CDH18: variants seen among roughly 807,000 people sequenced by gnomAD.
CDH18 encodes the protein cadherin 18, also known as cadherin-18.
CDH18 carries 31 observed loss-of-function variants against 67.9 expected under a neutral mutation model. The ratio of observed to expected loss-of-function variants is 0.46; its 90% CI spans 0.34 to 0.62. The LOEUF (loss-of-function observed/expected upper bound fraction) is 0.62, where lower values mean the gene tolerates loss of function less well. CDH18 is among the 20% of genes least tolerant of loss of function. The pLI is 0.01. For missense variants in CDH18, 890 were observed against 975.5 expected (o/e 0.91, Z 1.17); for synonymous variants, 362 against 347.2 (o/e 1.04, Z -0.48).
intron 5 of CDH18, among the ~76,000 whole-genome samples, chr5:19,622,734 G>T (rs1419795686): frequency 1.3e-5 from 2 of 152,110 alleles, no homozygotes; most frequent in East Asian, 3.9e-4. Context: ...TAGTCTCCTA[G>T]CTGTTCCTAC....
rs1177691217 is a variant in CDH18, at chr5:19,472,047, TG to T, written c.*1178del. ...CGGAAACATATCTGAGGATAATAAC[TG>T]TGAATCTCCTTTTTTGCTCCTAGTC... On this transcript the variant is annotated 3_prime_UTR_variant, in exon 13 of 13. Transcript: ENST00000382275. Among the ~76,000 whole-genome samples the T allele has an allele frequency of 3.3e-5, 5 of 152,124 alleles. No individual in the cohort carries two copies. Among genetic ancestry groups the T allele is most frequent in the African/African-American group, 1.2e-4 (5 of 41,448 alleles).
At chr5:19,611,533 G>A (rs755108721) in intron 6 of CDH18, among the ~76,000 whole-genome samples, 85 of 152,194 alleles carry the variant, frequency 5.6e-4, no homozygotes, top group Middle Eastern at 3.4e-3. Context: ...CTAGGCCTGA[G>A]GTGTACTGCA....
chr5:19,822,854 A>G (rs1447426738), intron 3 of CDH18, among the ~76,000 whole-genome samples: 1 of 152,030 alleles, frequency 6.6e-6, no homozygotes, highest in Non-Finnish European at 1.5e-5. Flanking sequence ...TTAGGCGGGA[A>G]TTTTCTTGTC....
intron 1 of CDH18, among the ~76,000 whole-genome samples, chr5:20,528,615 A>G (rs1030652506): frequency 1.3e-5 from 2 of 152,086 alleles, no homozygotes; most frequent in Non-Finnish European, 1.5e-5. Flanking sequence ...AAACCACACA[A>G]CTACATGGAA....
intron 6 of CDH18, among the ~76,000 whole-genome samples, chr5:19,594,740 T>TA (rs906019372): frequency 2.6e-5 from 4 of 152,274 alleles, no homozygotes; most frequent in East Asian, 1.9e-4. Context: ...GCTCTCCCTG[T>TA]AAAAAAATGT....
chr5:20,519,114 CT>C (rs1159580109), intron 1 of CDH18, among the ~76,000 whole-genome samples: 2 of 152,070 alleles, frequency 1.3e-5, no homozygotes, highest in African/African-American at 4.8e-5. Flanking sequence ...AAATTTCTGT[CT>C]TTATTCTTGT....
intron 1 of CDH18, among the ~76,000 whole-genome samples, chr5:20,428,436 T>G (rs1748485468): frequency 6.6e-6 from 1 of 152,192 alleles, no homozygotes; most frequent in Non-Finnish European, 1.5e-5. Context: ...GTAGAATGAT[T>G]TATAAACCTT....
At chr5:20,432,835 T>G (rs1208092913) in intron 1 of CDH18, among the ~76,000 whole-genome samples, 1 of 151,490 alleles carries the variant, frequency 6.6e-6, no homozygotes, top group Non-Finnish European at 1.5e-5. Flanking sequence ...ACATGTAAAT[T>G]GGGGAAGAAA....
chr5:19,552,465 T>C (rs1375798250), intron 8 of CDH18, among the ~76,000 whole-genome samples: 2 of 152,120 alleles, frequency 1.3e-5, no homozygotes, highest in Non-Finnish European at 2.9e-5. Context: ...TGTACTAATC[T>C]ACAAGCATAT....
At chr5:20,501,493 T>A (rs1754257249) in intron 1 of CDH18, among the ~76,000 whole-genome samples, 2 of 36,242 alleles carry the variant, frequency 5.5e-5, no homozygotes, top group Admixed American at 3.2e-4. Flanking sequence ...TATATATATT[T>A]TATATACATA....
At chr5:20,176,851 C>T (rs2126669941) in intron 2 of CDH18, among the ~76,000 whole-genome samples, 1 of 152,160 alleles carries the variant, frequency 6.6e-6, no homozygotes, top group African/African-American at 2.4e-5. Flanking sequence ...TCTTATTTTG[C>T]AGAAACAAAT....
intron 1 of CDH18, among the ~76,000 whole-genome samples, chr5:20,463,559 C>A (rs369060880): frequency 6.6e-6 from 1 of 152,086 alleles, no homozygotes. Context: ...CAGACACTTA[C>A]AAAACCATCA....
chr5:19,548,166 T>C (rs911200496), intron 8 of CDH18, among the ~76,000 whole-genome samples: 2 of 152,160 alleles, frequency 1.3e-5, no homozygotes, highest in African/African-American at 4.8e-5. Context: ...TATATCAATA[T>C]TTAGATTTTT....
intron 1 of CDH18, among the ~76,000 whole-genome samples, chr5:20,529,550 T>C (rs988157318): frequency 5.3e-5 from 8 of 152,026 alleles, no homozygotes; most frequent in East Asian, 1.9e-4. Context: ...CACAATCAAG[T>C]TGGCTTCATC....
At chr5:20,217,487 A>T (rs552612467) in intron 2 of CDH18, among the ~76,000 whole-genome samples, 15 of 151,996 alleles carry the variant, frequency 9.9e-5, no homozygotes, top group African/African-American at 3.6e-4. Context: ...TTCAAGCCTC[A>T]TGGCAACTTT....
At chr5:20,027,127 C>A in intron 2 of CDH18, among the ~76,000 whole-genome samples, 1 of 151,880 alleles carries the variant, frequency 6.6e-6, no homozygotes, top group East Asian at 1.9e-4. Flanking sequence ...TGGCTGTGTA[C>A]ATTTTCACGA....
intron 4 of CDH18, among the ~76,000 whole-genome samples, chr5:19,721,914 G>A (rs114920074): frequency 2.2e-3 from 328 of 152,288 alleles, no homozygotes; most frequent in Non-Finnish European, 3.1e-3. Flanking sequence ...GGGAAGGTGG[G>A]TGAGTTGATA....
intron 2 of CDH18, among the ~76,000 whole-genome samples, chr5:20,085,762 A>G (rs1024732071): frequency 1.3e-5 from 2 of 152,168 alleles, no homozygotes; most frequent in Admixed American, 6.5e-5. Flanking sequence ...CTTATTCACT[A>G]TCATGAGAAC....
chr5:19,947,585 C>CAAAAAAAAAAAA (rs35601486), intron 2 of CDH18, among the ~76,000 whole-genome samples: 3 of 53,310 alleles, frequency 5.6e-5, no homozygotes, highest in Admixed American at 3.3e-4. Context: ...TACTAAAATA[C>CAAAAAAAAAAAA]AAAAAAAAAA....
Sources: allele counts gnomAD v4.1 joint callset (sites outside exome capture counted in the v4.1 genomes callset), GRCh38; gene constraint gnomAD v4.1.1; transcripts MANE v1.5; gene names NCBI Gene and HGNC (gene_info 2026-07-23, HGNC 2026-07-21).